THEMIS: variants seen among roughly 807,000 people sequenced by gnomAD.
The protein encoded by THEMIS is protein THEMIS.
A neutral mutation model predicts 52.6 loss-of-function variants in THEMIS; 37 were observed. The ratio of observed to expected loss-of-function variants is 0.70; its 90% CI spans 0.54 to 0.93. The LOEUF (loss-of-function observed/expected upper bound fraction) is 0.93. Among genes scored for constraint, THEMIS ranks in the 40% least tolerant of loss-of-function variants. The pLI, the probability that THEMIS is intolerant of heterozygous loss-of-function variation, is 0.00. For synonymous variants in THEMIS, 292 were observed against 272.7 expected (o/e 1.07, Z -0.70); for missense variants, 808 against 763.1 (o/e 1.06, Z -0.69).
chr6:127,772,424 A>G lies in THEMIS; in HGVS notation c.1758+40459T>C, dbSNP rs192652010. On this transcript the variant is annotated intron_variant, in intron 4 of 5. Transcript: ENST00000368248. ...TTATTTAGATTTCTGTAAATTTTCT[A>G]TTTATTGTATGTTTCTCCTCAACAT... 5.9e-4 allele frequency among the ~76,000 whole-genome samples: 90 copies of G among 152,136 alleles called. 2 individuals carry two copies. The East Asian group carries it at 0.013, about 21-fold the overall frequency.
chr6:127,792,716 T>C (rs1222810382), intron 4 of THEMIS, among the ~76,000 whole-genome samples: 1 of 152,148 alleles, frequency 6.6e-6, no homozygotes, highest in Non-Finnish European at 1.5e-5. Flanking sequence ...GATTCGAGAT[T>C]TAGTTTTCAT....
Position 127,724,448 on chromosome 6 carries a change from C to A in THEMIS, c.1759-4625G>T, listed in dbSNP as rs545029888. ...AAATAAAATCCTCTGTCAGATCCTG[C>A]TTCTGTGATGTCAAGTCTTCAACCT... On this transcript the variant is annotated intron_variant, in intron 4 of 5. Transcript: ENST00000368248. 9.2e-5 allele frequency among the ~76,000 whole-genome samples: 14 copies of A among 152,198 alleles called. No homozygotes were observed. In the East Asian group the frequency reaches 2.7e-3, roughly 30 times the overall value.
Position 127,813,185 on chromosome 6 carries a change from T to C in THEMIS, c.1456A>G (p.Thr486Ala), listed in dbSNP as rs780029653. 2 of 1,613,980 alleles carry C rather than the reference T, an allele frequency of 1.2e-6. No individual in the cohort carries two copies. The highest frequency in any genetic ancestry group is 1.7e-6 in the Non-Finnish European group (2 of 1,180,024). The change falls in exon 4 of 6, where the codon ACA (threonine) becomes GCA (alanine). Residue 486 changes from threonine to alanine, a missense_variant. Coordinates refer to ENST00000368248, the MANE Select transcript of THEMIS (RefSeq NM_001010923.3). ...TCACTTATGAGTAGGTAAGAGTCTG[T>C]AATGTCCTCCTCCAACTGCAGTCCT... is the stretch of plus-strand genomic sequence containing the variant. ...TPGLQLEEDI[T>A]DSYLLISDFA...
rs538102253 is a variant in THEMIS at position 127,765,020 on chromosome 6, T to G, written c.1759-45197A>C. On this transcript the variant is annotated intron_variant, in intron 4 of 5. Transcript: ENST00000368248. The stretch of plus-strand genomic sequence containing the variant: ...ATCTAATCTTATTACAGGAGACCCT[T>G]ACATTCTCCAGGGATACCCGTTGAG... Among the ~76,000 whole-genome samples the G allele has an allele frequency of 8.8e-4, 134 of 152,128 alleles. 2 individuals are homozygous for G. Among genetic ancestry groups the G allele is most frequent in the African/African-American group, 3.1e-3 (130 of 41,550 alleles).
chr6:127,756,139 A>C (rs1225039152), intron 4 of THEMIS, among the ~76,000 whole-genome samples: 1 of 152,216 alleles, frequency 6.6e-6, no homozygotes, highest in Non-Finnish European at 1.5e-5. Context: ...ATGTAAAAGT[A>C]TTGGTATGCA....
At chr6:127,765,038 C>T (rs988689346) in intron 4 of THEMIS, among the ~76,000 whole-genome samples, 1 of 151,898 alleles carries the variant, frequency 6.6e-6, no homozygotes, top group Non-Finnish European at 1.5e-5. Flanking sequence ...CCAGGGATAC[C>T]CGTTGAGACT....
At chr6:127,906,357 C>G (rs1345417116) in intron 1 of THEMIS, among the ~76,000 whole-genome samples, 1 of 151,760 alleles carries the variant, frequency 6.6e-6, no homozygotes, top group Non-Finnish European at 1.5e-5. Flanking sequence ...TTCAAAATAT[C>G]TAAAGCAAAA....
chr6:127,728,468 G>A (rs1212441349), intron 4 of THEMIS, among the ~76,000 whole-genome samples: 2 of 152,166 alleles, frequency 1.3e-5, no homozygotes, highest in African/African-American at 2.4e-5. Flanking sequence ...GGCTACATCT[G>A]TAACACTTGC....
At chr6:127,785,262 T>TCTATCTATCTATCATCTATCTAC (rs58702039) in intron 4 of THEMIS, among the ~76,000 whole-genome samples, 30 of 146,868 alleles carry the variant, frequency 2.0e-4, no homozygotes, top group Non-Finnish European at 2.8e-4. Flanking sequence ...CATCTATCTA[T>TCTATCTATCTATCATCTATCTAC]TTATCACCTA....
chr6:127,826,992 G>T (rs1265231865), intron 3 of THEMIS, among the ~76,000 whole-genome samples: 1 of 151,792 alleles, frequency 6.6e-6, no homozygotes, highest in Non-Finnish European at 1.5e-5. Flanking sequence ...CTAGTAATAG[G>T]AGTAGAATAT....
chr6:127,734,896 A>AAATATAT (rs1554216674), intron 4 of THEMIS, among the ~76,000 whole-genome samples: 1 of 65,412 alleles, frequency 1.5e-5, no homozygotes, highest in Non-Finnish European at 3.1e-5. Flanking sequence ...AAAAAAAAAA[A>AAATATAT]ATATATATAT....
At chr6:127,743,785 A>C (rs185796207) in intron 4 of THEMIS, among the ~76,000 whole-genome samples, 1 of 152,200 alleles carries the variant, frequency 6.6e-6, no homozygotes, top group Non-Finnish European at 1.5e-5. Context: ...ATTTATTAGG[A>C]ATTATTTCTG....
At chr6:127,813,955 A>G (rs758975926) in intron 3 of THEMIS, 24 bp from the exon 4 acceptor site, 4 of 1,506,786 alleles carry the variant, frequency 2.7e-6, no homozygotes, top group East Asian at 2.3e-5. Flanking sequence ...ATAAATCACT[A>G]TGATATTTTT....
chr6:127,769,514 A>G (rs554204378), intron 4 of THEMIS, among the ~76,000 whole-genome samples: 73 of 152,216 alleles, frequency 4.8e-4, no homozygotes, highest in Non-Finnish European at 8.2e-4. Context: ...AAAGTCACAA[A>G]GCTTAAGCAG....
At chr6:127,775,745 A>G (rs1461066617) in intron 4 of THEMIS, among the ~76,000 whole-genome samples, 1 of 152,054 alleles carries the variant, frequency 6.6e-6, no homozygotes. Flanking sequence ...TTACTCTTTA[A>G]TATCTGGCTT....
At chr6:127,702,911 C>A in the THEMIS span, among the ~76,000 whole-genome samples, 1 of 151,872 alleles carries the variant, frequency 6.6e-6, no homozygotes, top group Non-Finnish European at 1.5e-5. Context: ...CCCCATGATT[C>A]AACACACACA....
intron 4 of THEMIS, among the ~76,000 whole-genome samples, chr6:127,787,545 C>G (rs766265682): frequency 6.6e-6 from 1 of 152,120 alleles, no homozygotes; most frequent in Non-Finnish European, 1.5e-5. Flanking sequence ...TCTATCTCAA[C>G]TGTCCTGAAA....
Position 127,709,868 on chromosome 6 carries a change from T to C in THEMIS, c.*117A>G, listed in dbSNP as rs1773914114. On this transcript the variant is annotated 3_prime_UTR_variant, in exon 6 of 6. Transcript: ENST00000368248. ...AAGGTTGTTCTTTCCTTTGCAGCGA[T>C]GAATCAAGTTTCTTCTGGAGTCCAT... The C allele has an allele frequency of 2.4e-6, 2 of 835,638 alleles. No homozygotes were observed. Among genetic ancestry groups the C allele is most frequent in the Non-Finnish European group, 3.8e-6 (2 of 531,646 alleles). 51.8% of individuals were successfully genotyped at this position (835,638 alleles called of 1,614,324 possible).
chr6:127,788,145 A>G (rs1454405263), intron 4 of THEMIS, among the ~76,000 whole-genome samples: 1 of 152,168 alleles, frequency 6.6e-6, no homozygotes, highest in Non-Finnish European at 1.5e-5. Flanking sequence ...TTATTTTGCG[A>G]TGTTAGCAAA....
Sources: allele counts gnomAD v4.1 joint callset (sites outside exome capture counted in the v4.1 genomes callset), GRCh38; gene constraint gnomAD v4.1.1; transcripts MANE v1.5; gene names NCBI Gene and HGNC (gene_info 2026-07-23, HGNC 2026-07-21).